The following GRM5 variants were observed in gnomAD, a reference collection of about 807,000 sequenced individuals.
GRM5 encodes metabotropic glutamate receptor 5.
A neutral mutation model predicts 83.1 loss-of-function variants in GRM5; 19 were observed. The ratio of observed to expected loss-of-function variants is 0.23; its 90% confidence interval spans 0.16 to 0.34. GRM5 has a LOEUF of 0.34. Among genes scored for constraint, GRM5 ranks in the 10% least tolerant of loss-of-function variants. The pLI is 1.00. For synonymous variants in GRM5, 675 were observed against 633.6 expected, an observed-to-expected ratio of 1.07 and a Z score of -0.98; for missense variants, 1,160 against 1,588.3, an observed-to-expected ratio of 0.73 and a Z score of 4.58.
At chr11:88,767,755 T>C (rs1353791193) in intron 3 of GRM5, among the ~76,000 whole-genome samples, 1 of 151,726 alleles carries the variant, frequency 6.6e-6, no homozygotes, top group Admixed American at 6.6e-5. Context: ...GGCAAAATAA[T>C]CTGTGCACCA....
At chr11:88,902,789 A>G (rs1183709757) in intron 2 of GRM5, among the ~76,000 whole-genome samples, 1 of 151,968 alleles carries the variant, frequency 6.6e-6, no homozygotes, top group African/African-American at 2.4e-5. Context: ...TGTCTCTACT[A>G]AAAATACAAA....
chr11:89,005,448 T>C (rs1940498216), intron 2 of GRM5, among the ~76,000 whole-genome samples: 1 of 152,302 alleles, frequency 6.6e-6, no homozygotes, highest in African/African-American at 2.4e-5. Context: ...AAGGTGTAAT[T>C]TTCCGTCTAA....
chr11:88,668,297 GCACA>G (rs72052705), intron 3 of GRM5, among the ~76,000 whole-genome samples: 60,783 of 129,734 alleles, frequency 0.47, 15,465 homozygotes, highest in South Asian at 0.59. Context: ...CCAGAAACTC[GCACA>G]CACACACACA....
At chr11:88,630,591 A>G (rs1938938738) in intron 4 of GRM5, among the ~76,000 whole-genome samples, 1 of 143,810 alleles carries the variant, frequency 7.0e-6, no homozygotes, top group African/African-American at 2.5e-5. Flanking sequence ...ACACACACAC[A>G]TATTATGATG....
intron 3 of GRM5, among the ~76,000 whole-genome samples, chr11:88,700,711 A>G (rs1941012766): frequency 6.6e-6 from 1 of 152,126 alleles, no homozygotes; most frequent in Non-Finnish European, 1.5e-5. Flanking sequence ...AGGGACTCAC[A>G]GAACAGCCAA....
chr11:88,930,044 A>G (rs749547180), intron 2 of GRM5, among the ~76,000 whole-genome samples: 36 of 152,126 alleles, frequency 2.4e-4, no homozygotes, highest in African/African-American at 4.6e-4. Flanking sequence ...TTTGGTGCCT[A>G]TGTTTCTCAA....
At chr11:88,709,981 TTC>T (rs1179213755) in intron 3 of GRM5, among the ~76,000 whole-genome samples, 2 of 152,092 alleles carry the variant, frequency 1.3e-5, no homozygotes, top group African/African-American at 4.8e-5. Flanking sequence ...GCCCCTTTGG[TTC>T]TCTCTCCACA....
intron 4 of GRM5, among the ~76,000 whole-genome samples, chr11:88,652,888 A>T (rs191677432): frequency 1.3e-5 from 2 of 152,242 alleles, no homozygotes. Flanking sequence ...TCTGGAGCTC[A>T]TGTGATGTTT....
chr11:89,060,223 T>C (rs1301697718), intron 1 of GRM5, among the ~76,000 whole-genome samples: 1 of 152,014 alleles, frequency 6.6e-6, no homozygotes, highest in Non-Finnish European at 1.5e-5. Flanking sequence ...TATGTATGTA[T>C]ATATATTTCC....
At chr11:88,597,937 T>C (rs950341462) in intron 5 of GRM5, among the ~76,000 whole-genome samples, 1 of 152,080 alleles carries the variant, frequency 6.6e-6, no homozygotes, top group Non-Finnish European at 1.5e-5. Context: ...AAGAGAGTAG[T>C]TCCTTGTGAG....
chr11:88,719,271 T>C (rs1256019589), intron 3 of GRM5, among the ~76,000 whole-genome samples: 1 of 152,032 alleles, frequency 6.6e-6, no homozygotes, highest in African/African-American at 2.4e-5. Context: ...CCTGTGTCCC[T>C]GTATTCTCAT....
intron 3 of GRM5, among the ~76,000 whole-genome samples, chr11:88,724,225 C>T (rs569794214): frequency 6.6e-6 from 1 of 152,310 alleles, no homozygotes; most frequent in African/African-American, 2.4e-5. Flanking sequence ...AGCCTAAGCA[C>T]ATACCATCCC....
chr11:88,652,037 G>A (rs1315135043), intron 4 of GRM5, among the ~76,000 whole-genome samples: 1 of 151,944 alleles, frequency 6.6e-6, no homozygotes, highest in Non-Finnish European at 1.5e-5. Context: ...CTAGAATTGG[G>A]TAATGGACCA....
chr11:88,931,483 C>CA (rs1937703729), intron 2 of GRM5, among the ~76,000 whole-genome samples: 1 of 149,362 alleles, frequency 6.7e-6, no homozygotes, highest in Non-Finnish European at 1.5e-5. Context: ...AAGGAAGGTG[C>CA]AAACAGACAC....
At chr11:88,815,378 A>T (rs533785705) in intron 3 of GRM5, among the ~76,000 whole-genome samples, 5 of 152,368 alleles carry the variant, frequency 3.3e-5, no homozygotes, top group Non-Finnish European at 7.3e-5. Context: ...TTTGAAGTAT[A>T]TACAAATAAA....
chr11:88,875,467 T>A (rs1466852955), intron 2 of GRM5, among the ~76,000 whole-genome samples: 1 of 151,974 alleles, frequency 6.6e-6, no homozygotes, highest in Non-Finnish European at 1.5e-5. Context: ...TCCATGAGGG[T>A]TGGAATCAAC....
chr11:88,665,482 T>C (rs1412415928), intron 3 of GRM5, among the ~76,000 whole-genome samples: 1 of 152,166 alleles, frequency 6.6e-6, no homozygotes, highest in Non-Finnish European at 1.5e-5. Flanking sequence ...CAGAAACCTA[T>C]TGTGAACTTC....
intron 8 of GRM5, among the ~76,000 whole-genome samples, chr11:88,541,483 T>C (rs1942266073): frequency 6.6e-6 from 1 of 152,214 alleles, no homozygotes; most frequent in Non-Finnish European, 1.5e-5. Flanking sequence ...CACACACTTA[T>C]ACATATATAA....
intron 2 of GRM5, among the ~76,000 whole-genome samples, chr11:88,875,892 T>C (rs1034178691): frequency 3.3e-5 from 5 of 152,106 alleles, no homozygotes; most frequent in African/African-American, 1.2e-4. Context: ...TCATCCAGGC[T>C]TTGCTGTTCC....
Sources: allele counts gnomAD v4.1 joint callset (sites outside exome capture counted in the v4.1 genomes callset), GRCh38; gene constraint gnomAD v4.1.1; transcripts MANE v1.5; gene names NCBI Gene and HGNC (gene_info 2026-07-23, HGNC 2026-07-21).